NOPCHAP1: variants seen among roughly 807,000 people sequenced by gnomAD.
The protein encoded by NOPCHAP1 is DNA damage-sensitive RNA 1.
NOPCHAP1 carries 13 observed loss-of-function variants against 14.0 expected under a neutral mutation model. The ratio of observed to expected loss-of-function variants is 0.93; its 90% CI spans 0.60 to 1.47. The LOEUF is 1.47. Among genes scored for constraint, NOPCHAP1 ranks in the 40% most tolerant of loss-of-function variants. The pLI, the probability that NOPCHAP1 is intolerant of heterozygous loss-of-function variation, is 0.00. For missense variants in NOPCHAP1, 230 were observed against 226.9 expected (o/e 1.01, Z -0.09); for synonymous variants, 78 against 78.4 (o/e 1.00, Z 0.03).
rs2136033262 is a variant in NOPCHAP1 at position 105,010,466 on chromosome 12, T to A, written c.*15770T>A. On this transcript the variant is annotated 3_prime_UTR_variant, in exon 4 of 4. Coordinates refer to ENST00000552951, the MANE Select transcript of NOPCHAP1 (RefSeq NM_152318.3). ...GATTTTTTGAAGGGTTTTTTGTGTC[T>A]CTATCTCCTTCAGTTCTGCTCTGAT... 1.3e-5 allele frequency: 2 copies of A among 152,310 alleles called. No homozygotes were observed. The highest frequency in any genetic ancestry group is 4.8e-5 in the African/African-American group (2 of 41,578). The allele number at this position is 152,310 out of a possible 1,614,324, so 9.4% of individuals were successfully genotyped here.
In NOPCHAP1 at chr12:105,004,732, C is replaced by T. The variant is rs1873672706; in HGVS notation, c.*10036C>T. On this transcript the variant is annotated 3_prime_UTR_variant, in exon 4 of 4. Coordinates refer to ENST00000552951, the MANE Select transcript of NOPCHAP1 (RefSeq NM_152318.3). ...TTTACAAAGAAAAGAATTACTTATA[C>T]AGTTGATCCTTGAACAATGCAGGAG... 6.6e-6 allele frequency: 1 copy of T among 152,126 alleles called. No homozygotes were observed. The highest frequency in any genetic ancestry group is 1.5e-5 in the Non-Finnish European group (1 of 68,026). The allele number at this position is 152,126 out of a possible 1,614,324, so 9.4% of individuals were successfully genotyped here.
intron 1 of NOPCHAP1, among the ~76,000 whole-genome samples, chr12:104,987,532 A>C (rs1873267751): frequency 6.6e-6 from 1 of 152,120 alleles, no homozygotes. Flanking sequence ...TTAACCAGAG[A>C]GTTAAGGGAT....
At position 104,986,437 on chromosome 12, in the gene NOPCHAP1, C is replaced by G; in HGVS notation, c.85C>G (p.Leu29Val). 6.2e-7 allele frequency: 1 copy of G among 1,608,030 alleles called. No individual in the cohort carries two copies. The highest frequency in any genetic ancestry group is 8.5e-7 in the Non-Finnish European group (1 of 1,176,586). ...CTCAGGAGTCCCAGTGTCCAAGGAG[C>G]TGCTGACGGCGGGAAGCGACGGCCG... ...DSSGVPVSKE[L>V]LTAGSDGRGG... is the part of the protein sequence containing the mutation. Residue 29 changes from leucine (L) to valine (V), a missense_variant, in exon 1 of 4, where the codon CTG (leucine) becomes GTG (valine). Leu to Val is a conservative substitution (Grantham distance 32). Coordinates refer to ENST00000552951, the MANE Select transcript of NOPCHAP1 (RefSeq NM_152318.3).
At chr12:104,993,046 C>T (rs549736674) in intron 3 of NOPCHAP1, among the ~76,000 whole-genome samples, 1 of 152,302 alleles carries the variant, frequency 6.6e-6, no homozygotes, top group East Asian at 1.9e-4. Context: ...TAGATTTCTC[C>T]ATTTCGACTC....
rs1592753593 is a variant in NOPCHAP1 at position 105,013,778 on chromosome 12, T to G, written c.*19082T>G. ...GGCTTCCCTGGGCTAGGGGAGGGAG[T>G]TCCCTAACGCTTTGTGCTTCCCAGG... is the stretch of plus-strand genomic sequence containing the variant. On this transcript the variant is annotated 3_prime_UTR_variant, in exon 4 of 4. Transcript: ENST00000552951. The G allele has an allele frequency of 6.6e-6, 1 of 151,552 alleles. No homozygotes were observed. The highest frequency in any genetic ancestry group is 1.5e-5 in the Non-Finnish European group (1 of 68,124). 9.4% of individuals were successfully genotyped at this position (151,552 alleles called of 1,614,324 possible).
Position 105,016,201 on chromosome 12 carries a change from A to C in NOPCHAP1, c.*21505A>C, listed in dbSNP as rs904218215. The C allele has an allele frequency of 1.3e-5, 2 of 152,226 alleles. No homozygotes were observed. Among genetic ancestry groups the C allele is most frequent in the Non-Finnish European group, 2.9e-5 (2 of 68,036 alleles). The allele number at this position is 152,226 out of a possible 1,614,324, so 9.4% of individuals were successfully genotyped here. On this transcript the variant is annotated 3_prime_UTR_variant, in exon 4 of 4. Coordinates refer to ENST00000552951, the MANE Select transcript of NOPCHAP1 (RefSeq NM_152318.3). ...AGAAAAAAATGACGGATATCTCAGTAGTGAAAAGACTATAGGAAATGAAGA... is the reference window on the plus strand; with the variant it reads ...AGAAAAAAATGACGGATATCTCAGTCGTGAAAAGACTATAGGAAATGAAGA...
Position 104,988,285 on chromosome 12 carries a change from T to C in NOPCHAP1, c.202+32T>C, listed in dbSNP as rs1404707317. On this transcript the variant is annotated intron_variant, in intron 2 of 3. Coordinates refer to ENST00000552951, the MANE Select transcript of NOPCHAP1 (RefSeq NM_152318.3). ...ACCTCTTCCCCTCTCTCACCCTCTC[T>C]AATGCTGAGTTTTGTCTGATTAAGC... 5.9e-6 allele frequency: 9 copies of C among 1,517,918 alleles called. No homozygotes were observed. In the Admixed American group the frequency reaches 6.8e-5, roughly 12 times the overall value. 94.0% of individuals were successfully genotyped at this position (1,517,918 alleles called of 1,614,324 possible). A position where few individuals can be genotyped will look rare whatever the true frequency, so the allele number is the denominator to read the frequency against.
chr12:105,005,106 T>C lies in NOPCHAP1; in HGVS notation c.*10410T>C, dbSNP rs11112297. The C allele has an allele frequency of 0.22, 33,014 of 152,080 alleles. 4,838 individuals are homozygous for C. The highest frequency in any genetic ancestry group is 0.5 in the East Asian group (2,572 of 5,170). The allele number at this position is 152,080 out of a possible 1,614,324, so 9.4% of individuals were successfully genotyped here. A position where few individuals can be genotyped will look rare whatever the true frequency, so the allele number is the denominator to read the frequency against. On this transcript the variant is annotated 3_prime_UTR_variant, in exon 4 of 4. Coordinates refer to ENST00000552951, the MANE Select transcript of NOPCHAP1 (RefSeq NM_152318.3). ...GGAAGAGGTATAGAAGAAGAAGGCA[T>C]ACTCATTGTAACTTTATGGAAATAC... is the stretch of plus-strand genomic sequence containing the variant.
rs1873514176 is a variant in NOPCHAP1, at chr12:104,997,048, A to G, written c.*2352A>G. 2 of 152,150 alleles carry G rather than the reference A, an allele frequency of 1.3e-5. No homozygotes were observed. Among genetic ancestry groups the G allele is most frequent in the Non-Finnish European group, 2.9e-5 (2 of 68,026 alleles). 9.4% of individuals were successfully genotyped at this position (152,150 alleles called of 1,614,324 possible). On this transcript the variant is annotated 3_prime_UTR_variant, in exon 4 of 4. Transcript: ENST00000552951. ...TTTGCTTCTTTATCCAAGTTGCCAC[A>G]CTGTTTCTTTTGATTGGGGCATTTA...
At chr12:104,990,516 C>T (rs1462631655) in intron 2 of NOPCHAP1, among the ~76,000 whole-genome samples, 1 of 152,164 alleles carries the variant, frequency 6.6e-6, no homozygotes, top group Non-Finnish European at 1.5e-5. Flanking sequence ...CCTTATTTTA[C>T]AAATAGAGGT....
intron 2 of NOPCHAP1, among the ~76,000 whole-genome samples, chr12:104,990,052 G>A (rs905427678): frequency 2.0e-5 from 3 of 152,034 alleles, no homozygotes; most frequent in African/African-American, 2.4e-5. Context: ...TGATTCTGTC[G>A]TCTGCATCAT....
chr12:104,997,033 T>C lies in NOPCHAP1; in HGVS notation c.*2337T>C, dbSNP rs779181522. ...AGCATACCATTGGATTTTGCTTCTTTATCCAAGTTGCCACACTGTTTCTTT... is the reference window on the plus strand; with the variant it reads ...AGCATACCATTGGATTTTGCTTCTTCATCCAAGTTGCCACACTGTTTCTTT... On this transcript the variant is annotated 3_prime_UTR_variant, in exon 4 of 4. Coordinates refer to ENST00000552951, the MANE Select transcript of NOPCHAP1 (RefSeq NM_152318.3). The C allele has an allele frequency of 6.6e-6, 1 of 152,246 alleles. No individual in the cohort carries two copies. Among genetic ancestry groups the C allele is most frequent in the Non-Finnish European group, 1.5e-5 (1 of 68,044 alleles). The allele number at this position is 152,246 out of a possible 1,614,324, so 9.4% of individuals were successfully genotyped here.
rs551514160 is a variant in NOPCHAP1, at chr12:105,007,318, G to A, written c.*12622G>A. ...AAATTTCCTTTTCTTTTTAACAATG[G>A]TCCTGATGCTGGATTCATTTATCTT... On this transcript the variant is annotated 3_prime_UTR_variant, in exon 4 of 4. Transcript: ENST00000552951. The A allele has an allele frequency of 6.6e-6, 1 of 152,250 alleles. No individual in the cohort carries two copies. The highest frequency in any genetic ancestry group is 6.5e-5 in the Admixed American group (1 of 15,292). 9.4% of individuals were successfully genotyped at this position (152,250 alleles called of 1,614,324 possible).
rs2136031508 is a variant in NOPCHAP1 at position 105,006,194 on chromosome 12, A to G, written c.*11498A>G. On this transcript the variant is annotated 3_prime_UTR_variant, in exon 4 of 4. Coordinates refer to ENST00000552951, the MANE Select transcript of NOPCHAP1 (RefSeq NM_152318.3). ...ACACAGTTTTTTTCAGCACAAATTTATTGTTTCAGGCTTGATGGCTTTCAC... is the reference window on the plus strand; with the variant it reads ...ACACAGTTTTTTTCAGCACAAATTTGTTGTTTCAGGCTTGATGGCTTTCAC... 6.6e-6 allele frequency: 1 copy of G among 152,226 alleles called. No individual in the cohort carries two copies. The highest frequency in any genetic ancestry group is 1.9e-4 in the East Asian group (1 of 5,190). 9.4% of individuals were successfully genotyped at this position (152,226 alleles called of 1,614,324 possible). A position where few individuals can be genotyped will look rare whatever the true frequency, so the allele number is the denominator to read the frequency against.
chr12:105,004,274 TA>T lies in NOPCHAP1; in HGVS notation c.*9581del, dbSNP rs1447821789. ...GATTTCAGAAACATCAATTTTATTT[TA>T]AAGTAAAAATAAAGGCCAGGTGCGG... On this transcript the variant is annotated 3_prime_UTR_variant, in exon 4 of 4. Coordinates refer to ENST00000552951, the MANE Select transcript of NOPCHAP1 (RefSeq NM_152318.3). 2.0e-5 allele frequency: 3 copies of T among 152,250 alleles called. No homozygotes were observed. The East Asian group carries it at 5.8e-4, about 29-fold the overall frequency. The allele number at this position is 152,250 out of a possible 1,614,324, so 9.4% of individuals were successfully genotyped here.
intron 3 of NOPCHAP1, among the ~76,000 whole-genome samples, chr12:104,993,622 G>C (rs1044142185): frequency 6.6e-6 from 1 of 152,192 alleles, no homozygotes; most frequent in Non-Finnish European, 1.5e-5. Context: ...AGAGCAGTGC[G>C]TCACTGTGTA....
Position 105,002,496 on chromosome 12 carries a change from T to A in NOPCHAP1, c.*7800T>A, listed in dbSNP as rs952693479. 2 of 152,228 alleles carry A rather than the reference T, an allele frequency of 1.3e-5. No homozygotes were observed. The highest frequency in any genetic ancestry group is 2.9e-5 in the Non-Finnish European group (2 of 68,032). 9.4% of individuals were successfully genotyped at this position (152,228 alleles called of 1,614,324 possible). On this transcript the variant is annotated 3_prime_UTR_variant, in exon 4 of 4. Coordinates refer to ENST00000552951, the MANE Select transcript of NOPCHAP1 (RefSeq NM_152318.3). ...GTCTTTCTGAATGGACCCTGTAATCTGAAACTGGTTCATTCTATTTTTTGT... is the reference window on the plus strand; with the variant it reads ...GTCTTTCTGAATGGACCCTGTAATCAGAAACTGGTTCATTCTATTTTTTGT...
chr12:105,009,725 G>T lies in NOPCHAP1; in HGVS notation c.*15029G>T, dbSNP rs1873777075. 6.6e-6 allele frequency: 1 copy of T among 152,172 alleles called. No homozygotes were observed. The highest frequency in any genetic ancestry group is 2.4e-5 in the African/African-American group (1 of 41,434). The allele number at this position is 152,172 out of a possible 1,614,324, so 9.4% of individuals were successfully genotyped here. On this transcript the variant is annotated 3_prime_UTR_variant, in exon 4 of 4. Transcript: ENST00000552951. ...TTTCTGTATCTATTGAAATAATCAT[G>T]TGCTTTTTGTCATTGGTTCTGTTTA...
At chr12:104,991,413 CTTAACTG>C (rs1359902603) in intron 2 of NOPCHAP1, among the ~76,000 whole-genome samples, 1 of 152,168 alleles carries the variant, frequency 6.6e-6, no homozygotes, top group African/African-American at 2.4e-5. Context: ...ACCTGGTGCT[CTTAACTG>C]TTAAGTCACA....
Sources: gnomAD v4.1 joint callset for allele counts (sites outside exome capture counted in the v4.1 genomes callset) on GRCh38, gnomAD v4.1.1 for gene constraint, MANE v1.5 for transcripts, NCBI Gene and HGNC (gene_info 2026-07-23, HGNC 2026-07-21) for gene names.